The following ALDH2 variants were observed in gnomAD, a reference collection of about 807,000 sequenced individuals.
The protein encoded by ALDH2 is aldehyde dehydrogenase, mitochondrial.
In ALDH2, 44 loss-of-function variants were observed where a neutral mutation model predicts 59.6. That is an observed-to-expected ratio of 0.74 (90% CI 0.58 to 0.95). The LOEUF (loss-of-function observed/expected upper bound fraction) is 0.95. Ranked by LOEUF, ALDH2 falls within the 40% of genes least tolerant of loss-of-function variation. The pLI is 0.00. For synonymous variants in ALDH2, 291 were observed against 284.0 expected (o/e 1.02, Z -0.25); for missense variants, 570 against 696.3 (o/e 0.82, Z 2.04).
rs889985195 is a variant in ALDH2, at chr12:111,789,500, A to AAAAAG, written c.441-309_441-305dup. ...GAGCGAGACGCTGTCTCAAAAAAAA[A>AAAAAG]AAAAGAAAAGAAAAGAAAGAAAAAA... On this transcript the variant is annotated intron_variant, in intron 4 of 12. Coordinates refer to ENST00000261733, the MANE Select transcript of ALDH2 (RefSeq NM_000690.4). Among the ~76,000 whole-genome samples the AAAAAG allele has an allele frequency of 3.3e-5, 5 of 150,446 alleles. No individual in the cohort carries two copies. In the East Asian group the frequency reaches 7.8e-4, roughly 24 times the overall value.
At chr12:111,784,200 G>T (rs1001636736) in intron 3 of ALDH2, among the ~76,000 whole-genome samples, 1 of 152,190 alleles carries the variant, frequency 6.6e-6, no homozygotes. Context: ...TGTAGTCCTA[G>T]CTACATGGTA....
At position 111,811,213 on chromosome 12, in the gene ALDH2, G is replaced by A. The variant is rs1394746335; in HGVS notation, c.*1638G>A. 2 of 151,812 alleles carry A rather than the reference G, an allele frequency of 1.3e-5. No individual in the cohort carries two copies. Among genetic ancestry groups the A allele is most frequent in the African/African-American group, 4.8e-5 (2 of 41,318 alleles). 9.4% of individuals were successfully genotyped at this position (151,812 alleles called of 1,614,324 possible). A position where few individuals can be genotyped will look rare whatever the true frequency, so the allele number is the denominator to read the frequency against. On this transcript the variant is annotated 3_prime_UTR_variant, in exon 13 of 13. Coordinates refer to ENST00000261733, the MANE Select transcript of ALDH2 (RefSeq NM_000690.4). Reference sequence around the variant, plus strand: ...AAAAAAAAAAAACTAGCCGGGCATGGTGGCTCATGCCTGTAATCCCAGCTA... The same window carrying A: ...AAAAAAAAAAAACTAGCCGGGCATGATGGCTCATGCCTGTAATCCCAGCTA...
intron 7 of ALDH2, 76 bp from the exon 8 acceptor site, chr12:111,791,985 C>T: frequency 1.1e-6 from 1 of 900,220 alleles, no homozygotes. Context: ...GTGGGGGACT[C>T]TGTTCTGTGT....
intron 7 of ALDH2, 90 bp from the exon 8 acceptor site, chr12:111,791,971 A>G: frequency 1.2e-6 from 1 of 806,268 alleles, no homozygotes; most frequent in Non-Finnish European, 2.1e-6. Flanking sequence ...TGCTCACTCA[A>G]GCTGTGGGGG....
At chr12:111,807,855 TAGA>T (rs1247815060) in intron 12 of ALDH2, among the ~76,000 whole-genome samples, 2 of 151,124 alleles carry the variant, frequency 1.3e-5, no homozygotes, top group African/African-American at 4.9e-5. Context: ...GCATTTTAAG[TAGA>T]AGAATTAGGT....
intron 1 of ALDH2, among the ~76,000 whole-genome samples, chr12:111,778,705 GC>G (rs1741546463): frequency 6.6e-6 from 1 of 151,814 alleles, no homozygotes; most frequent in South Asian, 2.1e-4. Flanking sequence ...ATGGTGGCAG[GC>G]GCCTATAGTC....
rs2068163983 is a variant in ALDH2, at chr12:111,767,055, G to A, written c.73G>A (p.Val25Met). 1.3e-6 allele frequency: 2 copies of A among 1,529,132 alleles called. No individual in the cohort carries two copies. The highest frequency in any genetic ancestry group is 2.5e-5 in the East Asian group (1 of 39,448). The allele number at this position is 1,529,132 out of a possible 1,614,324, so 94.7% of individuals were successfully genotyped here. A position where few individuals can be genotyped will look rare whatever the true frequency, so the allele number is the denominator to read the frequency against. Residue 25 changes from valine (V) to methionine (M), a missense_variant, in exon 1 of 13, where the codon GTG (valine) becomes ATG (methionine). Transcript: ENST00000261733. Reference protein sequence around the residue: ...RLLSAAATQAVPAPNQQPEVF... With the variant: ...RLLSAAATQAMPAPNQQPEVF... ...CTTGTCAGCCGCCGCCACCCAGGCC[G>A]TGCCTGCCCCCAACCAGCAGCCCGA... is the stretch of plus-strand genomic sequence containing the variant.
At chr12:111,777,214 C>A (rs1001252768) in intron 1 of ALDH2, among the ~76,000 whole-genome samples, 3 of 152,206 alleles carry the variant, frequency 2.0e-5, no homozygotes, top group Admixed American at 6.5e-5. Context: ...CTGTGCCCAG[C>A]ATCCTCTGCT....
chr12:111,808,146 A>G (rs932125824), intron 12 of ALDH2, among the ~76,000 whole-genome samples: 1 of 152,032 alleles, frequency 6.6e-6, no homozygotes, highest in Non-Finnish European at 1.5e-5. Flanking sequence ...AAGTTCTGGG[A>G]TTACAGGTGT....
intron 9 of ALDH2, among the ~76,000 whole-genome samples, chr12:111,794,846 T>G (rs1381891895): frequency 6.6e-6 from 1 of 152,154 alleles, no homozygotes; most frequent in East Asian, 1.9e-4. Flanking sequence ...TGAGATATAA[T>G]TCACGTAGCA....
chr12:111,785,487 G>T (rs2068302910), intron 4 of ALDH2, 141 bp downstream of exon 4: 1 of 709,338 alleles, frequency 1.4e-6, no homozygotes, highest in African/African-American at 1.8e-5. Flanking sequence ...ACTTTGGGAG[G>T]CTGAGCCAGG....
rs1258311553 is a variant in ALDH2, at chr12:111,811,468, TTTTTTTTTTCTTC to T, written c.*1903_*1915del. The T allele has an allele frequency of 6.7e-6, 1 of 150,320 alleles. No homozygotes were observed. The highest frequency in any genetic ancestry group is 1.5e-5 in the Non-Finnish European group (1 of 67,476). The allele number at this position is 150,320 out of a possible 1,614,324, so 9.3% of individuals were successfully genotyped here. On this transcript the variant is annotated 3_prime_UTR_variant, in exon 13 of 13. Transcript: ENST00000261733. ...TTTGAGTCTTGACAATGTATTTTCT[TTTTTTTTTTCTTC>T]TTTTTTTTTTGAGACTGAGTCTCGG...
In ALDH2 at chr12:111,786,738, GGTCTTGCTA is replaced by G. The variant is rs781592480; in HGVS notation, c.440+1393_440+1401del. 2.6e-4 allele frequency among the ~76,000 whole-genome samples: 40 copies of G among 151,694 alleles called. No individual in the cohort carries two copies. In the South Asian group the frequency reaches 2.7e-3, roughly 10 times the overall value. ...TTTTTAAATTTTTTGTAGAGACGGG[GGTCTTGCTA>G]TGTTGCCCAGGCTAGTTTTGGACTC... On this transcript the variant is annotated intron_variant, in intron 4 of 12. Coordinates refer to ENST00000261733, the MANE Select transcript of ALDH2 (RefSeq NM_000690.4).
intron 4 of ALDH2, among the ~76,000 whole-genome samples, chr12:111,786,242 A>G (rs2068307679): frequency 1.3e-5 from 2 of 151,776 alleles, no homozygotes; most frequent in African/African-American, 4.8e-5. Flanking sequence ...ATTGATTATT[A>G]TTATTATTTT....
chr12:111,780,490 A>G (rs866986773), intron 1 of ALDH2, among the ~76,000 whole-genome samples: 2 of 152,214 alleles, frequency 1.3e-5, no homozygotes, highest in East Asian at 3.9e-4. Context: ...TGCACTTGCT[A>G]TTCCACAGCC....
chr12:111,781,409 G>A (rs552961908), intron 1 of ALDH2, among the ~76,000 whole-genome samples: 3 of 152,276 alleles, frequency 2.0e-5, no homozygotes, highest in East Asian at 1.9e-4. Flanking sequence ...GTGGGAAGTC[G>A]GACTAGCTTG....
chr12:111,800,865 A>G (rs1593085628), intron 11 of ALDH2, among the ~76,000 whole-genome samples: 3 of 152,294 alleles, frequency 2.0e-5, no homozygotes, highest in Admixed American at 2.0e-4. Context: ...AAAAACGTGT[A>G]TATGAATCTT....
At position 111,792,726 on chromosome 12, in the gene ALDH2, G is replaced by T. The variant is rs746521872; in HGVS notation, c.1027G>T (p.Ala343Ser). 1.9e-6 allele frequency: 3 copies of T among 1,578,514 alleles called. No individual in the cohort carries two copies. The South Asian group carries it at 3.5e-5, about 18-fold the overall frequency. Residue 343 changes from alanine (A) to serine (S), a missense_variant, in exon 9 of 13, where the codon GCC (alanine) becomes TCC (serine). Physicochemically the swap from Ala to Ser is moderately conservative, Grantham distance 99. Transcript: ENST00000261733. ...DEFVERSVARAKSRVVGNPFD... is the reference protein window; with the variant it reads ...DEFVERSVARSKSRVVGNPFD... ...GTTTGTGGAGCGGAGCGTTGCCCGG[G>T]CCAAGTCTCGGGTGGTCGGGAACCC...
rs1356795930 is a variant in ALDH2 at position 111,767,061 on chromosome 12, G to T, written c.79G>T (p.Ala27Ser). The change falls in exon 1 of 13, where the codon GCC becomes TCC. Residue 27 changes from alanine to serine, a missense_variant. Transcript: ENST00000261733. ...AGCCGCCGCCACCCAGGCCGTGCCT[G>T]CCCCCAACCAGCAGCCCGAGGTCTT... ...LSAAATQAVP[A>S]PNQQPEVFCN... is the part of the protein sequence containing the mutation. 3 of 1,528,690 alleles carry T rather than the reference G, an allele frequency of 2.0e-6. No homozygotes were observed. Among genetic ancestry groups the T allele is most frequent in the Admixed American group, 2.0e-5 (1 of 50,294 alleles). 94.7% of individuals were successfully genotyped at this position (1,528,690 alleles called of 1,614,324 possible).
Sources: gnomAD v4.1 joint callset for allele counts (sites outside exome capture counted in the v4.1 genomes callset) on GRCh38, gnomAD v4.1.1 for gene constraint, MANE v1.5 for transcripts, NCBI Gene and HGNC (gene_info 2026-07-23, HGNC 2026-07-21) for gene names.